Variants in FAM167B observed in about 807,000 individuals in gnomAD.
FAM167B encodes protein FAM167B.
Under a neutral mutation model 15.4 loss-of-function variants are expected in FAM167B, and 7 were observed. The ratio of observed to expected loss-of-function variants is 0.46; its 90% CI spans 0.26 to 0.86. The LOEUF is 0.86. Ranked by LOEUF, FAM167B falls within the 40% of genes least tolerant of loss-of-function variation. FAM167B has a pLI of 0.17. For missense variants in FAM167B, 207 were observed against 208.3 expected (o/e 0.99, Z 0.04); for synonymous variants, 100 against 94.6 (o/e 1.06, Z -0.33).
Position 32,247,676 on chromosome 1 carries a change from G to A in FAM167B, c.255G>A (p.Arg85=). Residue 85 remains arginine, a synonymous_variant, in exon 1 of 2, where the codon CGG becomes CGA. Coordinates refer to ENST00000373582, the MANE Select transcript of FAM167B (RefSeq NM_032648.3). ...SMDSALEWLR[R]ELREMQAQDR... Reference sequence around the variant, plus strand: ...ACTCCGCCCTTGAGTGGCTCCGACGGGAGCTGGTGAGTCTGGTGGGGTGGG... The same window carrying A: ...ACTCCGCCCTTGAGTGGCTCCGACGAGAGCTGGTGAGTCTGGTGGGGTGGG... The A allele has an allele frequency of 6.8e-7, 1 of 1,467,142 alleles. No individual in the cohort carries two copies. Among genetic ancestry groups the A allele is most frequent in the Non-Finnish European group, 9.0e-7 (1 of 1,106,100 alleles). 90.9% of individuals were successfully genotyped at this position (1,467,142 alleles called of 1,614,324 possible). A position where few individuals can be genotyped will look rare whatever the true frequency, so the allele number is the denominator to read the frequency against.
Position 32,248,793 on chromosome 1 carries a change from G to A in FAM167B, c.*192G>A, listed in dbSNP as rs576521968. The A allele has an allele frequency of 3.6e-5, 22 of 606,760 alleles. No homozygotes were observed. The South Asian group carries it at 3.7e-4, about 10-fold the overall frequency. The allele number at this position is 606,760 out of a possible 1,614,324, so 37.6% of individuals were successfully genotyped here. On this transcript the variant is annotated 3_prime_UTR_variant, in exon 2 of 2. Coordinates refer to ENST00000373582, the MANE Select transcript of FAM167B (RefSeq NM_032648.3). ...TCCTGTTTCCTCTGCTGACCCAGCT[G>A]GGAGGGGGAGGAGGAGGAGCTCACA... is the stretch of plus-strand genomic sequence containing the variant.
In FAM167B at chr1:32,248,373, G is replaced by A. The variant is rs1019884022; in HGVS notation, c.264G>A (p.Arg88=). 6.4e-7 allele frequency: 1 copy of A among 1,569,872 alleles called. No homozygotes were observed. The highest frequency in any genetic ancestry group is 8.6e-7 in the Non-Finnish European group (1 of 1,164,218). Residue 88 remains arginine, a splice_region_variant and synonymous_variant, in exon 2 of 2, where the codon CGG becomes CGA. Coordinates refer to ENST00000373582, the MANE Select transcript of FAM167B (RefSeq NM_032648.3). ...SALEWLRREL[R]EMQAQDRQLA... Reference sequence around the variant, plus strand: ...CTCACGCCCCCTCTCGGCCGCAGCGGGAGATGCAGGCGCAGGACAGGCAGC... The same window carrying A: ...CTCACGCCCCCTCTCGGCCGCAGCGAGAGATGCAGGCGCAGGACAGGCAGC...
Position 32,248,425 on chromosome 1 carries a change from G to A in FAM167B, c.316G>A (p.Ala106Thr), listed in dbSNP as rs1557563486. ...GGCAGGGCAGCTGCTGCGGCTGCGG[G>A]CCCAGCTGCACCGACTGAAGATGGA... Reference protein sequence around the residue: ...QLAGQLLRLRAQLHRLKMDQA... With the variant: ...QLAGQLLRLRTQLHRLKMDQA... The change falls in exon 2 of 2, where the codon GCC becomes ACC. Residue 106 changes from alanine to threonine, a missense_variant. Physicochemically the swap from Ala to Thr is moderately conservative, Grantham distance 58 (BLOSUM62 0). Coordinates refer to ENST00000373582, the MANE Select transcript of FAM167B (RefSeq NM_032648.3). 1.2e-6 allele frequency: 2 copies of A among 1,602,150 alleles called. No individual in the cohort carries two copies. The highest frequency in any genetic ancestry group is 1.9e-4 in the Middle Eastern group (1 of 5,250).
At position 32,248,761 on chromosome 1, in the gene FAM167B, C is replaced by G; in HGVS notation, c.*160C>G. On this transcript the variant is annotated 3_prime_UTR_variant, in exon 2 of 2. Coordinates refer to ENST00000373582, the MANE Select transcript of FAM167B (RefSeq NM_032648.3). ...GAGCTGAATTCCAAGAGTGCAAAAC[C>G]CCAGCATCCTGTTTCCTCTGCTGAC... The G allele has an allele frequency of 1.5e-6, 1 of 681,914 alleles. No individual in the cohort carries two copies. Among genetic ancestry groups the G allele is most frequent in the East Asian group, 2.8e-5 (1 of 36,056 alleles). 42.2% of individuals were successfully genotyped at this position (681,914 alleles called of 1,614,324 possible).
At chr1:32,247,757 T>C (rs1639428305) in intron 1 of FAM167B, 75 bp downstream of exon 1, 1 of 1,376,434 alleles carries the variant, frequency 7.3e-7, no homozygotes, top group Admixed American at 2.8e-5. Context: ...ACCACAGGCA[T>C]GGGGAAGGGA....
Position 32,248,515 on chromosome 1 carries a change from G to C in FAM167B, c.406G>C (p.Gly136Arg), listed in dbSNP as rs1254760837. The C allele has an allele frequency of 1.9e-6, 3 of 1,576,882 alleles. No individual in the cohort carries two copies. Among genetic ancestry groups the C allele is most frequent in the South Asian group, 1.2e-5 (1 of 86,350 alleles). Residue 136 changes from glycine (G) to arginine (R), a missense_variant, in exon 2 of 2, where the codon GGG (glycine) becomes CGG (arginine). Coordinates refer to ENST00000373582, the MANE Select transcript of FAM167B (RefSeq NM_032648.3). ...EAELELELEPGAGLALAPLLR... is the reference protein window; with the variant it reads ...EAELELELEPRAGLALAPLLR... ...CGAGCTGGAGCTGGAGCTGGAGCCC[G>C]GGGCCGGCCTAGCCCTGGCCCCGCT...
chr1:32,247,577 C>T lies in FAM167B; in HGVS notation c.156C>T (p.Ser52=). 1.9e-6 allele frequency: 3 copies of T among 1,583,662 alleles called. No individual in the cohort carries two copies. Among genetic ancestry groups the T allele is most frequent in the Non-Finnish European group, 2.6e-6 (3 of 1,164,534 alleles). The change falls in exon 1 of 2, where the codon AGC becomes AGT. Residue 52 remains serine, a synonymous_variant. Coordinates refer to ENST00000373582, the MANE Select transcript of FAM167B (RefSeq NM_032648.3). ...SYLEWTAQVQ[S]QAWRRAQAKP... ...TGGAGTGGACAGCCCAGGTCCAGAGCCAGGCCTGGCGCAGGGCCCAAGCCA... is the reference window on the plus strand; with the variant it reads ...TGGAGTGGACAGCCCAGGTCCAGAGTCAGGCCTGGCGCAGGGCCCAAGCCA...
chr1:32,248,278 C>G, intron 1 of FAM167B, 93 bp from the exon 2 acceptor site: 1 of 1,022,564 alleles, frequency 9.8e-7, no homozygotes, highest in Non-Finnish European at 1.4e-6. Flanking sequence ...GGGGAGGACA[C>G]AGTCAGTGCA....
chr1:32,247,810 C>A, intron 1 of FAM167B, 128 bp downstream of exon 1: 1 of 879,970 alleles, frequency 1.1e-6, no homozygotes, highest in Non-Finnish European at 1.6e-6. Context: ...CTCCGGTGTC[C>A]TGGGCTGAGG....
Position 32,248,649 on chromosome 1 carries a change from T to A in FAM167B, c.*48T>A, listed in dbSNP as rs1639441091. 6.9e-7 allele frequency: 1 copy of A among 1,443,046 alleles called. No individual in the cohort carries two copies. The highest frequency in any genetic ancestry group is 9.2e-7 in the Non-Finnish European group (1 of 1,085,950). 89.4% of individuals were successfully genotyped at this position (1,443,046 alleles called of 1,614,324 possible). The stretch of plus-strand genomic sequence containing the variant: ...CCCCGCCCCCTCTCCCAATGCCGCT[T>A]CCCCTGCCTGCCTGGGAAGAGGAAA... On this transcript the variant is annotated 3_prime_UTR_variant, in exon 2 of 2. Transcript: ENST00000373582.
rs537538868 is a variant in FAM167B at position 32,248,517 on chromosome 1, G to C, written c.408G>C (p.Gly136=). 22 of 1,574,490 alleles carry C rather than the reference G, an allele frequency of 1.4e-5. No individual in the cohort carries two copies. Among genetic ancestry groups the C allele is most frequent in the Non-Finnish European group, 1.9e-5 (22 of 1,162,182 alleles). ...AGCTGGAGCTGGAGCTGGAGCCCGG[G>C]GCCGGCCTAGCCCTGGCCCCGCTGC... ...EAELELELEP[G]AGLALAPLLR... Residue 136 remains glycine, a synonymous_variant, in exon 2 of 2, where the codon GGG becomes GGC. Coordinates refer to ENST00000373582, the MANE Select transcript of FAM167B (RefSeq NM_032648.3).
At position 32,247,233 on chromosome 1, in the gene FAM167B, C is replaced by T. The variant is rs2124286071; in HGVS notation, c.-189C>T. On this transcript the variant is annotated 5_prime_UTR_variant, in exon 1 of 2. Coordinates refer to ENST00000373582, the MANE Select transcript of FAM167B (RefSeq NM_032648.3). ...ATTCCAGCCCTTGCATACTTGGCCT[C>T]ACACACCCATCTGCTCACTCACCCT... 8.5e-6 allele frequency: 5 copies of T among 590,754 alleles called. No homozygotes were observed. The highest frequency in any genetic ancestry group is 3.5e-5 in the East Asian group (1 of 28,706). 36.6% of individuals were successfully genotyped at this position (590,754 alleles called of 1,614,324 possible).
rs1191680083 is a variant in FAM167B at position 32,247,474 on chromosome 1, A to T, written c.53A>T (p.Asp18Val). The T allele has an allele frequency of 6.3e-7, 1 of 1,598,190 alleles. No homozygotes were observed. The highest frequency in any genetic ancestry group is 8.5e-7 in the Non-Finnish European group (1 of 1,172,564). The stretch of plus-strand genomic sequence containing the variant: ...GCAGTGGGTGAAGAGGACGAGGAGG[A>T]TGAGGAGGGGGAGAGCCTGGACTCT... ...FQAVGEEDEE[D>V]EEGESLDSVK... Residue 18 changes from aspartate (D) to valine (V), a missense_variant, in exon 1 of 2, where the codon GAT (aspartate) becomes GTT (valine). Coordinates refer to ENST00000373582, the MANE Select transcript of FAM167B (RefSeq NM_032648.3).
intron 1 of FAM167B, among the ~76,000 whole-genome samples, 174 bp downstream of exon 1, chr1:32,247,856 G>C (rs1557563240): frequency 6.6e-6 from 1 of 152,356 alleles, no homozygotes; most frequent in East Asian, 1.9e-4. Flanking sequence ...TGTATTCAGG[G>C]AGGCTTGCTG....
At position 32,248,374 on chromosome 1, in the gene FAM167B, G is replaced by A. The variant is rs758031381; in HGVS notation, c.265G>A (p.Glu89Lys). 412 of 1,571,008 alleles carry A rather than the reference G, an allele frequency of 2.6e-4. 1 individual carries two copies. The highest frequency in any genetic ancestry group is 3.0e-4 in the Non-Finnish European group (349 of 1,164,782). ...ALEWLRRELR[E>K]MQAQDRQLAG... The stretch of plus-strand genomic sequence containing the variant: ...TCACGCCCCCTCTCGGCCGCAGCGG[G>A]AGATGCAGGCGCAGGACAGGCAGCT... The change falls in exon 2 of 2, where the codon GAG becomes AAG. Residue 89 changes from glutamate (E) to lysine (K), a missense_variant. By Grantham distance (56) the Glu-to-Lys change is moderately conservative. Coordinates refer to ENST00000373582, the MANE Select transcript of FAM167B (RefSeq NM_032648.3).
chr1:32,247,830 T>C, intron 1 of FAM167B, 148 bp downstream of exon 1: 1 of 682,136 alleles, frequency 1.5e-6, no homozygotes, highest in Non-Finnish European at 2.2e-6. Context: ...GAGCCGGGAA[T>C]GGACTTGTCC....
rs1639441426 is a variant in FAM167B at position 32,248,665 on chromosome 1, G to A, written c.*64G>A. The A allele has an allele frequency of 7.2e-7, 1 of 1,395,840 alleles. No homozygotes were observed. The highest frequency in any genetic ancestry group is 9.5e-7 in the Non-Finnish European group (1 of 1,049,150). 86.5% of individuals were successfully genotyped at this position (1,395,840 alleles called of 1,614,324 possible). A position where few individuals can be genotyped will look rare whatever the true frequency, so the allele number is the denominator to read the frequency against. Reference sequence around the variant, plus strand: ...AATGCCGCTTCCCCTGCCTGCCTGGGAAGAGGAAAGGGAGGGGTGCCCCAG... The same window carrying A: ...AATGCCGCTTCCCCTGCCTGCCTGGAAAGAGGAAAGGGAGGGGTGCCCCAG... On this transcript the variant is annotated 3_prime_UTR_variant, in exon 2 of 2. Coordinates refer to ENST00000373582, the MANE Select transcript of FAM167B (RefSeq NM_032648.3).
chr1:32,248,014 G>A (rs542773467), intron 1 of FAM167B, among the ~76,000 whole-genome samples: 10 of 152,294 alleles, frequency 6.6e-5, no homozygotes, highest in East Asian at 3.9e-4. Flanking sequence ...AAGATACAGC[G>A]AAGTGCAAAA....
Position 32,248,651 on chromosome 1 carries a change from C to T in FAM167B, c.*50C>T, listed in dbSNP as rs542963032. On this transcript the variant is annotated 3_prime_UTR_variant, in exon 2 of 2. Transcript: ENST00000373582. Reference sequence around the variant, plus strand: ...CCGCCCCCTCTCCCAATGCCGCTTCCCCTGCCTGCCTGGGAAGAGGAAAGG... The same window carrying T: ...CCGCCCCCTCTCCCAATGCCGCTTCTCCTGCCTGCCTGGGAAGAGGAAAGG... 6.9e-7 allele frequency: 1 copy of T among 1,439,708 alleles called. No individual in the cohort carries two copies. Among genetic ancestry groups the T allele is most frequent in the South Asian group, 1.4e-5 (1 of 73,992 alleles). 89.2% of individuals were successfully genotyped at this position (1,439,708 alleles called of 1,614,324 possible).
Sources: allele counts gnomAD v4.1 joint callset (sites outside exome capture counted in the v4.1 genomes callset), GRCh38; gene constraint gnomAD v4.1.1; transcripts MANE v1.5; gene names NCBI Gene and HGNC (gene_info 2026-07-23, HGNC 2026-07-21).